PTPRT: variants seen among roughly 807,000 people sequenced by gnomAD.
The protein encoded by PTPRT is receptor-type tyrosine-protein phosphatase T.
Under a neutral mutation model 176.8 loss-of-function variants are expected in PTPRT, and 56 were observed. The ratio of observed to expected loss-of-function variants is 0.32; its 90% confidence interval spans 0.26 to 0.40. PTPRT has a LOEUF of 0.40. PTPRT is among the 10% of genes least tolerant of loss of function. The probability of loss-of-function intolerance (pLI) is 1.00; values close to 1 mark genes in which losing one functional copy is unlikely to be tolerated. For synonymous variants in PTPRT, 783 were observed against 739.0 expected, an observed-to-expected ratio of 1.06 and a Z score of -0.96; for missense variants, 1,540 against 1,908.2, an observed-to-expected ratio of 0.81 and a Z score of 3.60.
chr20:42,295,031 G>A (rs1389653932), intron 12 of PTPRT, among the ~76,000 whole-genome samples: 1 of 152,100 alleles, frequency 6.6e-6, no homozygotes, highest in Non-Finnish European at 1.5e-5. Flanking sequence ...TTTCTGAGCA[G>A]AGAGACAAAA....
At chr20:42,941,982 TC>T (rs1252338687) in intron 1 of PTPRT, among the ~76,000 whole-genome samples, 1 of 151,094 alleles carries the variant, frequency 6.6e-6, no homozygotes, top group African/African-American at 2.4e-5. Flanking sequence ...GAGAAGTCAT[TC>T]CTCCCATTAA....
At chr20:43,130,050 A>T (rs944695872) in intron 1 of PTPRT, among the ~76,000 whole-genome samples, 4 of 152,250 alleles carry the variant, frequency 2.6e-5, no homozygotes, top group Non-Finnish European at 5.9e-5. Flanking sequence ...AACAAAAACT[A>T]TACAAGTGGG....
chr20:42,108,346 C>T (rs1183243857), intron 23 of PTPRT, among the ~76,000 whole-genome samples: 1 of 152,124 alleles, frequency 6.6e-6, no homozygotes, highest in Non-Finnish European at 1.5e-5. Context: ...AGCTGCATGA[C>T]CTCGGGCAAA....
At chr20:42,383,977 G>A (rs776160813) in intron 9 of PTPRT, among the ~76,000 whole-genome samples, 59 of 152,200 alleles carry the variant, frequency 3.9e-4, no homozygotes, top group Non-Finnish European at 6.6e-4. Context: ...TTCTAAGTAG[G>A]ATATGTGGGT....
the PTPRT span, among the ~76,000 whole-genome samples, chr20:42,053,917 G>T: frequency 6.6e-6 from 1 of 152,186 alleles, no homozygotes; most frequent in Non-Finnish European, 1.5e-5. Flanking sequence ...AGGAAGAGGG[G>T]TCTATCTTTC....
chr20:42,830,164 T>C (rs1195328675), intron 2 of PTPRT, among the ~76,000 whole-genome samples: 1 of 152,136 alleles, frequency 6.6e-6, no homozygotes, highest in Non-Finnish European at 1.5e-5. Context: ...TTCAGGCCAA[T>C]ATCCTTGAAG....
intron 22 of PTPRT, among the ~76,000 whole-genome samples, chr20:42,112,453 C>T (rs1987052540): frequency 6.6e-6 from 1 of 152,200 alleles, no homozygotes; most frequent in African/African-American, 2.4e-5. Context: ...GCTCAGTCTG[C>T]CCAGGACTGA....
chr20:42,782,628 C>A (rs1042424274), intron 3 of PTPRT, among the ~76,000 whole-genome samples: 8 of 152,188 alleles, frequency 5.3e-5, no homozygotes, highest in African/African-American at 1.9e-4. Flanking sequence ...ATTAGCATTT[C>A]TCAAATCTTC....
At chr20:42,954,571 G>A (rs1447981674) in intron 1 of PTPRT, among the ~76,000 whole-genome samples, 1 of 152,174 alleles carries the variant, frequency 6.6e-6, no homozygotes, top group African/African-American at 2.4e-5. Flanking sequence ...TCAGCAGTAA[G>A]TGCTACATAG....
chr20:42,322,272 A>G (rs1484757079), intron 11 of PTPRT, among the ~76,000 whole-genome samples: 1 of 150,756 alleles, frequency 6.6e-6, no homozygotes, highest in Non-Finnish European at 1.5e-5. Flanking sequence ...TAAAGTTCAT[A>G]TGGAACCAAA....
chr20:42,333,348 T>A (rs561370786), intron 11 of PTPRT, among the ~76,000 whole-genome samples: 1 of 152,208 alleles, frequency 6.6e-6, no homozygotes, highest in Admixed American at 6.5e-5. Flanking sequence ...GCTTAGTTTT[T>A]TTGAGATGGA....
In PTPRT at chr20:42,253,151, G is replaced by A. The variant is rs555129797; in HGVS notation, c.2177-4329C>T. Among the ~76,000 whole-genome samples, 10 of 152,272 alleles carry A rather than the reference G, an allele frequency of 6.6e-5. No homozygotes were observed. The South Asian group carries it at 1.7e-3, about 25-fold the overall frequency. ...GATGGACAGAGGATGGGAGGGTCCCGCTTTTGTGGCAGAGTCAGGTGTGGC... is the reference window on the plus strand; with the variant it reads ...GATGGACAGAGGATGGGAGGGTCCCACTTTTGTGGCAGAGTCAGGTGTGGC... On this transcript the variant is annotated intron_variant, in intron 13 of 30. Coordinates refer to ENST00000373187, the MANE Select transcript of PTPRT (RefSeq NM_007050.6).
Position 42,204,066 on chromosome 20 carries a change from T to C in PTPRT, c.2343-4678A>G, listed in dbSNP as rs139078308. 7.9e-5 allele frequency among the ~76,000 whole-genome samples: 12 copies of C among 152,322 alleles called. No individual in the cohort carries two copies. The East Asian group carries it at 1.3e-3, about 17-fold the overall frequency. On this transcript the variant is annotated intron_variant, in intron 15 of 30. Transcript: ENST00000373187. ...TGGAGTCTAGAAAAGATAGTCCTCTTACTCTGAACACAAATTACAACCACT... is the reference window on the plus strand; with the variant it reads ...TGGAGTCTAGAAAAGATAGTCCTCTCACTCTGAACACAAATTACAACCACT...
At chr20:42,950,367 G>A (rs536200488) in intron 1 of PTPRT, among the ~76,000 whole-genome samples, 24 of 152,152 alleles carry the variant, frequency 1.6e-4, no homozygotes, top group Admixed American at 2.6e-4. Context: ...ACTCTTTCAC[G>A]CTTTATTTTT....
rs145749982 is a variant in PTPRT at position 42,955,692 on chromosome 20, C to T, written c.89-69760G>A. Among the ~76,000 whole-genome samples the T allele has an allele frequency of 4.2e-3, 640 of 152,228 alleles. 1 individual carries two copies. Among genetic ancestry groups the T allele is most frequent in the South Asian group, 6.9e-3 (33 of 4,814 alleles). Reference sequence around the variant, plus strand: ...CAAAGGCTGAGGCTCACGAAGACTACCTGACTTTGATCCCCAGCCCACAAA... The same window carrying T: ...CAAAGGCTGAGGCTCACGAAGACTATCTGACTTTGATCCCCAGCCCACAAA... On this transcript the variant is annotated intron_variant, in intron 1 of 30. Coordinates refer to ENST00000373187, the MANE Select transcript of PTPRT (RefSeq NM_007050.6).
chr20:42,284,219 A>T (rs1016057391), intron 12 of PTPRT, among the ~76,000 whole-genome samples: 2 of 152,024 alleles, frequency 1.3e-5, no homozygotes, highest in African/African-American at 4.8e-5. Context: ...GATTATCTAG[A>T]CTATCACTAT....
intron 7 of PTPRT, among the ~76,000 whole-genome samples, chr20:42,644,937 G>T (rs897246642): frequency 7.9e-5 from 12 of 152,164 alleles, no homozygotes; most frequent in Admixed American, 3.3e-4. Flanking sequence ...TACAGAGGAA[G>T]AAACTGAGAC....
At chr20:42,690,031 T>C (rs962029523) in intron 6 of PTPRT, among the ~76,000 whole-genome samples, 1 of 152,154 alleles carries the variant, frequency 6.6e-6, no homozygotes, top group Non-Finnish European at 1.5e-5. Context: ...TAGGGAAGGC[T>C]TCCTAGAGCA....
chr20:42,528,374 A>C (rs1446977897), intron 7 of PTPRT, among the ~76,000 whole-genome samples: 3 of 151,734 alleles, frequency 2.0e-5, no homozygotes, highest in Admixed American at 1.3e-4. Context: ...TCTGGCGTAT[A>C]CTAGATGTTC....
Sources: allele counts gnomAD v4.1 joint callset (sites outside exome capture counted in the v4.1 genomes callset), GRCh38; gene constraint gnomAD v4.1.1; transcripts MANE v1.5; gene names NCBI Gene and HGNC (gene_info 2026-07-23, HGNC 2026-07-21).